The following TBL1Y variants were observed in gnomAD, a reference collection of about 807,000 sequenced individuals.
TBL1Y encodes transducin beta like 1 Y-linked.
Under a neutral mutation model 12.0 loss-of-function variants are expected in TBL1Y, and 15 were observed. The ratio of observed to expected loss-of-function variants is 1.25; its 90% CI spans 0.83 to 1.92. The LOEUF (loss-of-function observed/expected upper bound fraction) is 1.92. TBL1Y is among the 40% of genes most tolerant of loss of function. TBL1Y has a pLI of 0.00. For missense variants in TBL1Y, 148 were observed against 116.7 expected, an observed-to-expected ratio of 1.27 and a Z score of -1.24; for synonymous variants, 53 against 42.6, an observed-to-expected ratio of 1.24 and a Z score of -0.95.
chrY:7,012,790 GCTCTGT>G (rs2012527378), intron 4 of TBL1Y, among the ~76,000 whole-genome samples: 2 of 34,098 alleles, frequency 5.9e-5, no homozygotes, highest in African/African-American at 2.3e-4. Context: ...CATTCCAGCT[GCTCTGT>G]CTCTGACTCT....
chrY:6,960,970 G>T (rs2012120895), intron 2 of TBL1Y, among the ~76,000 whole-genome samples: 1 of 33,392 alleles, frequency 3.0e-5, no homozygotes, highest in Non-Finnish European at 7.4e-5. Context: ...GCATCCTGGT[G>T]CTTTTCCCAG....
chrY:7,003,989 C>T, intron 4 of TBL1Y, among the ~76,000 whole-genome samples: 2 of 33,735 alleles, frequency 5.9e-5, no homozygotes, highest in Non-Finnish European at 1.5e-4. Context: ...TAGTCTTGAA[C>T]ATTACATAAT....
At chrY:6,973,607 C>T (rs2012221427) in intron 2 of TBL1Y, among the ~76,000 whole-genome samples, 2 of 33,513 alleles carry the variant, frequency 6.0e-5, no homozygotes, top group Admixed American at 2.7e-4. Context: ...GATATATCCT[C>T]GCTTCTTAAC....
intron 4 of TBL1Y, among the ~76,000 whole-genome samples, chrY:7,018,833 C>T: frequency 3.0e-5 from 1 of 33,470 alleles, no homozygotes; most frequent in Admixed American, 2.7e-4. Context: ...GAGGAGCAGG[C>T]CTGGTGGAAT....
chrY:6,985,429 G>A (rs2012309918), intron 3 of TBL1Y, among the ~76,000 whole-genome samples: 1 of 32,702 alleles, frequency 3.1e-5, no homozygotes, highest in Non-Finnish European at 7.5e-5. Context: ...ACTGACATTC[G>A]GTGGGTGAAG....
At chrY:7,026,323 C>T in intron 6 of TBL1Y, among the ~76,000 whole-genome samples, 1 of 33,394 alleles carries the variant, frequency 3.0e-5, no homozygotes, top group African/African-American at 1.2e-4. Flanking sequence ...ATAGGTACTG[C>T]CTCACCCCTG....
chrY:7,065,373 G>T, intron 8 of TBL1Y, among the ~76,000 whole-genome samples: 3 of 33,571 alleles, frequency 8.9e-5, no homozygotes, highest in Non-Finnish European at 2.2e-4. Flanking sequence ...CTTCCGCCAT[G>T]ACTGTGAGGA....
intron 3 of TBL1Y, among the ~76,000 whole-genome samples, chrY:6,993,466 A>G (rs2012388154): frequency 3.3e-5 from 1 of 30,746 alleles, no homozygotes; most frequent in African/African-American, 1.3e-4. Context: ...TGCCATGGTC[A>G]TTTGCTGCAT....
intron 7 of TBL1Y, among the ~76,000 whole-genome samples, chrY:7,050,828 TACACACACAC>T (rs1404234228): frequency 1.7e-4 from 3 of 18,005 alleles, no homozygotes; most frequent in Non-Finnish European, 3.3e-4. Context: ...ACATCATGGA[TACACACACAC>T]ACACACACAC....
chrY:7,076,929 A>AAG (rs2013065728), intron 13 of TBL1Y, among the ~76,000 whole-genome samples: 1 of 26,031 alleles, frequency 3.8e-5, no homozygotes. Flanking sequence ...AAAAAAAAAA[A>AAG]AGAGAGAGAG....
At chrY:6,953,682 A>G (rs2012047114) in intron 2 of TBL1Y, among the ~76,000 whole-genome samples, 1 of 33,825 alleles carries the variant, frequency 3.0e-5, no homozygotes, top group African/African-American at 1.2e-4. Flanking sequence ...TCAGCTCGTG[A>G]AAGTCATTCT....
chrY:7,083,801 T>C, intron 14 of TBL1Y, among the ~76,000 whole-genome samples: 4 of 32,232 alleles, frequency 1.2e-4, no homozygotes. Context: ...CAATAGGCCT[T>C]GTCTGCCCTC....
chrY:6,918,458 G>T (rs2011752225), intron 2 of TBL1Y, among the ~76,000 whole-genome samples: 1 of 33,581 alleles, frequency 3.0e-5, no homozygotes, highest in African/African-American at 1.2e-4. Context: ...AGGCTGGAGT[G>T]CAGTGGTGCG....
intron 6 of TBL1Y, among the ~76,000 whole-genome samples, chrY:7,035,502 C>T (rs893037557): frequency 2.9e-5 from 1 of 34,090 alleles, no homozygotes; most frequent in African/African-American, 1.2e-4. Context: ...CACATGCACA[C>T]GCATGTTTAT....
chrY:7,028,316 C>T (rs772177650), intron 6 of TBL1Y, among the ~76,000 whole-genome samples: 1 of 34,406 alleles, frequency 2.9e-5, no homozygotes, highest in East Asian at 7.8e-4. Flanking sequence ...GAAAGGGAAT[C>T]TTCAGTGGAG....
intron 6 of TBL1Y, among the ~76,000 whole-genome samples, chrY:7,037,431 A>G (rs1005853052): frequency 8.9e-5 from 3 of 33,862 alleles, no homozygotes; most frequent in Non-Finnish European, 1.5e-4. Context: ...GTTATACTGT[A>G]TTGGTTTTTT....
chrY:6,960,013 C>T, intron 2 of TBL1Y, among the ~76,000 whole-genome samples: 1 of 33,618 alleles, frequency 3.0e-5, no homozygotes, highest in African/African-American at 1.2e-4. Context: ...TTCCAGCAGC[C>T]GCAGCAGTAG....
At chrY:6,998,815 T>C in intron 4 of TBL1Y, among the ~76,000 whole-genome samples, 1 of 33,441 alleles carries the variant, frequency 3.0e-5, no homozygotes, top group Non-Finnish European at 7.4e-5. Context: ...CCTCAAGACA[T>C]GTAGGAAATG....
chrY:7,071,903 G>A, intron 12 of TBL1Y, 73 bp downstream of exon 12: 2 of 265,678 alleles, frequency 7.5e-6, no homozygotes, highest in South Asian at 7.2e-5. Context: ...CTGTTTTAGG[G>A]GGGTGGGGAG....
Sources: gnomAD v4.1 joint callset for allele counts (sites outside exome capture counted in the v4.1 genomes callset) on GRCh38, gnomAD v4.1.1 for gene constraint, MANE v1.5 for transcripts, NCBI Gene and HGNC (gene_info 2026-07-23, HGNC 2026-07-21) for gene names.